Variants in NPFFR2 observed in about 807,000 individuals in gnomAD.
NPFFR2 encodes the protein neuropeptide FF receptor 2.
NPFFR2 carries 15 observed loss-of-function variants against 13.1 expected under a neutral mutation model. The observed-to-expected ratio is 1.15, with a 90% CI of 0.77 to 1.76. NPFFR2 has a LOEUF of 1.76. Ranked by LOEUF, NPFFR2 falls within the 40% of genes most tolerant of loss-of-function variation. The probability of loss-of-function intolerance (pLI) is 0.00; values close to 1 mark genes in which losing one functional copy is unlikely to be tolerated. For synonymous variants in NPFFR2, 190 were observed against 175.7 expected (o/e 1.08, Z -0.65); for missense variants, 572 against 503.5 (o/e 1.14, Z -1.30).
In NPFFR2 at chr4:72,132,363, T is replaced by C. The variant is rs1722272552; in HGVS notation, c.328+3444T>C. On this transcript the variant is annotated intron_variant, in intron 2 of 3. Transcript: ENST00000308744. ...CTTATGGCTACATAGTATTCCATGG[T>C]GTATATCTACCACATTTTCTTTATT... Among the ~76,000 whole-genome samples, 3 of 152,248 alleles carry C rather than the reference T, an allele frequency of 2.0e-5. 1 individual carries two copies. The South Asian group carries it at 6.2e-4, about 32-fold the overall frequency.
chr4:72,033,004 C>CT (rs1718965387), intron 1 of NPFFR2, among the ~76,000 whole-genome samples: 1 of 152,000 alleles, frequency 6.6e-6, no homozygotes, highest in Non-Finnish European at 1.5e-5. Flanking sequence ...TGCTGGTTTC[C>CT]TTTTTTTAAT....
At chr4:72,094,142 C>T (rs527988576) in intron 1 of NPFFR2, among the ~76,000 whole-genome samples, 15 of 152,160 alleles carry the variant, frequency 9.9e-5, no homozygotes, top group Admixed American at 2.0e-4. Context: ...CAGGCTCCAC[C>T]TGGTGCTTGA....
chr4:72,050,708 A>C (rs1192734471), intron 1 of NPFFR2, among the ~76,000 whole-genome samples: 3 of 151,676 alleles, frequency 2.0e-5, no homozygotes, highest in African/African-American at 7.3e-5. Flanking sequence ...GGTGCACTGC[A>C]CCCACTAACT....
rs191601410 is a variant in NPFFR2 at position 72,113,631 on chromosome 4, A to G, written c.-7-14954A>G. ...TCTGCTTGCACTGCCAATCTGTGCT[A>G]ACACAAAGTCTCAGACTGGCAAAGA... is the stretch of plus-strand genomic sequence containing the variant. On this transcript the variant is annotated intron_variant, in intron 1 of 3. Transcript: ENST00000308744. Among the ~76,000 whole-genome samples the G allele has an allele frequency of 3.2e-3, 481 of 152,284 alleles. 3 individuals are homozygous for G. Among genetic ancestry groups the G allele is most frequent in the African/African-American group, 0.011 (472 of 41,568 alleles).
intron 1 of NPFFR2, among the ~76,000 whole-genome samples, chr4:72,123,177 C>T (rs540855415): frequency 2.0e-5 from 3 of 150,762 alleles, no homozygotes; most frequent in South Asian, 4.2e-4. Flanking sequence ...GAAATGGATA[C>T]ATTCCTGGAC....
intron 3 of NPFFR2, among the ~76,000 whole-genome samples, chr4:72,142,862 CA>C (rs1456398961): frequency 6.6e-6 from 1 of 152,168 alleles, no homozygotes; most frequent in African/African-American, 2.4e-5. Context: ...ACATCTAAAA[CA>C]AATTAGAAGT....
intron 1 of NPFFR2, among the ~76,000 whole-genome samples, chr4:72,124,267 A>G (rs978736568): frequency 1.3e-5 from 2 of 152,222 alleles, no homozygotes; most frequent in African/African-American, 2.4e-5. Context: ...AAGAGAGGAC[A>G]CAAGCAATGC....
chr4:72,087,556 A>G (rs1720802856), intron 1 of NPFFR2, among the ~76,000 whole-genome samples: 1 of 32,408 alleles, frequency 3.1e-5, no homozygotes, highest in South Asian at 9.1e-4. Flanking sequence ...GGTCTTGTGT[A>G]GGTAATCTTC....
chr4:72,100,967 T>C (rs1192596802), intron 1 of NPFFR2, among the ~76,000 whole-genome samples: 1 of 152,068 alleles, frequency 6.6e-6, no homozygotes, highest in African/African-American at 2.4e-5. Flanking sequence ...TGGGTTCATA[T>C]TGAGAGAAAT....
At chr4:72,108,953 G>A (rs955454035) in intron 1 of NPFFR2, among the ~76,000 whole-genome samples, 1 of 151,998 alleles carries the variant, frequency 6.6e-6, no homozygotes, top group Non-Finnish European at 1.5e-5. Context: ...TTCCTGGGAA[G>A]CATCATTTGC....
chr4:72,110,761 C>G (rs1051344645), intron 1 of NPFFR2, among the ~76,000 whole-genome samples: 5 of 151,980 alleles, frequency 3.3e-5, no homozygotes, highest in Non-Finnish European at 5.9e-5. Context: ...TGTGTATGTT[C>G]TGGTTTCGGG....
chr4:72,044,795 T>C (rs1051869408), intron 1 of NPFFR2, among the ~76,000 whole-genome samples: 2 of 152,140 alleles, frequency 1.3e-5, no homozygotes, highest in African/African-American at 4.8e-5. Flanking sequence ...TTCTGGATAT[T>C]AGTGCCTTTT....
chr4:72,095,185 A>G (rs1260954825), intron 1 of NPFFR2, among the ~76,000 whole-genome samples: 3 of 152,184 alleles, frequency 2.0e-5, no homozygotes, highest in South Asian at 2.1e-4. Context: ...CCAAATCCCA[A>G]TCCTCAGAAA....
intron 3 of NPFFR2, among the ~76,000 whole-genome samples, chr4:72,141,977 T>G (rs1232995699): frequency 2.0e-5 from 3 of 152,102 alleles, no homozygotes; most frequent in Non-Finnish European, 4.4e-5. Context: ...GGATCGTTAT[T>G]TCTTATTGTT....
chr4:72,138,249 A>G lies in NPFFR2; in HGVS notation c.428+110A>G. The G allele has an allele frequency of 4.4e-6, 3 of 682,596 alleles. No homozygotes were observed. The Middle Eastern group carries it at 7.3e-4, about 166-fold the overall frequency. 42.3% of individuals were successfully genotyped at this position (682,596 alleles called of 1,614,324 possible). ...GGACATATCTTTTCAAATTGTATTC[A>G]CAATATCTACCTCTTTTTTTAAATT... On this transcript the variant is annotated intron_variant, in intron 3 of 3. Coordinates refer to ENST00000308744, the MANE Select transcript of NPFFR2 (RefSeq NM_004885.3).
In NPFFR2 at chr4:72,123,545, A is replaced by C. The variant is rs538735001; in HGVS notation, c.-7-5040A>C. Among the ~76,000 whole-genome samples the C allele has an allele frequency of 8.5e-5, 13 of 152,348 alleles. No homozygotes were observed. In the South Asian group the frequency reaches 2.5e-3, roughly 29 times the overall value. ...ATACTGGCAAACCAAATGAGGCAGC[A>C]CATCAAAAAGTTTACCACCATGATC... On this transcript the variant is annotated intron_variant, in intron 1 of 3. Coordinates refer to ENST00000308744, the MANE Select transcript of NPFFR2 (RefSeq NM_004885.3).
At chr4:72,089,753 C>A (rs1016997682) in intron 1 of NPFFR2, among the ~76,000 whole-genome samples, 7 of 152,100 alleles carry the variant, frequency 4.6e-5, no homozygotes, top group African/African-American at 1.4e-4. Flanking sequence ...CAAATATTTT[C>A]TCCCACTCTT....
intron 3 of NPFFR2, among the ~76,000 whole-genome samples, chr4:72,145,267 T>TC (rs397783567): frequency 6.9e-6 from 1 of 145,360 alleles, no homozygotes; most frequent in African/African-American, 2.5e-5. Context: ...GTACATATAT[T>TC]GTTATAAATA....
chr4:72,140,462 G>A (rs1722570321), intron 3 of NPFFR2, among the ~76,000 whole-genome samples: 1 of 152,102 alleles, frequency 6.6e-6, no homozygotes, highest in African/African-American at 2.4e-5. Context: ...AGAGTTTTTA[G>A]CATGAAGGGC....
Sources: allele counts gnomAD v4.1 joint callset (sites outside exome capture counted in the v4.1 genomes callset), GRCh38; gene constraint gnomAD v4.1.1; transcripts MANE v1.5; gene names NCBI Gene and HGNC (gene_info 2026-07-23, HGNC 2026-07-21).